The following ETNK1 variants were observed in gnomAD, a reference collection of about 807,000 sequenced individuals.
ETNK1 encodes putative protein product of Nbla10396.
A neutral mutation model predicts 45.1 loss-of-function variants in ETNK1; 8 were observed. The ratio of observed to expected loss-of-function variants is 0.18; its 90% CI spans 0.10 to 0.32. The LOEUF is 0.32. Among genes scored for constraint, ETNK1 ranks in the 10% least tolerant of loss-of-function variants. The pLI is 1.00. For missense variants in ETNK1, 302 were observed against 430.6 expected, an observed-to-expected ratio of 0.70 and a Z score of 2.64; for synonymous variants, 152 against 151.9, an observed-to-expected ratio of 1.00 and a Z score of -0.01.
chr12:22,631,954 A>G (rs190718831), intron 1 of ETNK1, among the ~76,000 whole-genome samples: 10 of 152,292 alleles, frequency 6.6e-5, no homozygotes, highest in Admixed American at 5.9e-4. Context: ...TGAATCATAA[A>G]TTGTTGTAAA....
intron 5 of ETNK1, among the ~76,000 whole-genome samples, chr12:22,671,967 A>C (rs1274081857): frequency 6.6e-6 from 1 of 151,978 alleles, no homozygotes; most frequent in African/African-American, 2.4e-5. Flanking sequence ...CAGCAGCCCT[A>C]CAAGGTAATA....
chr12:22,638,178 C>T (rs1383721284), intron 1 of ETNK1, among the ~76,000 whole-genome samples: 1 of 151,858 alleles, frequency 6.6e-6, no homozygotes, highest in African/African-American at 2.4e-5. Flanking sequence ...TACATGGCCA[C>T]ATAATCTGTT....
chr12:22,634,199 A>G (rs1298625872), intron 1 of ETNK1, among the ~76,000 whole-genome samples: 2 of 152,144 alleles, frequency 1.3e-5, no homozygotes, highest in African/African-American at 2.4e-5. Flanking sequence ...CATGATGATT[A>G]TAAGATTTTT....
Position 22,625,269 on chromosome 12 carries a change from G to C in ETNK1, c.-162G>C. On this transcript the variant is annotated 5_prime_UTR_variant, in exon 1 of 8. Coordinates refer to ENST00000266517, the MANE Select transcript of ETNK1 (RefSeq NM_018638.5). The stretch of plus-strand genomic sequence containing the variant: ...CCAGACCCGGATCGGCAACAGTGCC[G>C]CCTCCAGACGTTCTCCTGCCGCTCG... 2.5e-6 allele frequency: 4 copies of C among 1,609,294 alleles called. No individual in the cohort carries two copies. Among genetic ancestry groups the C allele is most frequent in the Non-Finnish European group, 3.4e-6 (4 of 1,178,768 alleles).
In ETNK1 at chr12:22,684,998, AATCT is replaced by A. The variant is rs1224722581; in HGVS notation, c.*45_*48del. The A allele has an allele frequency of 4.5e-5, 62 of 1,390,998 alleles. No homozygotes were observed. The highest frequency in any genetic ancestry group is 5.7e-5 in the Non-Finnish European group (58 of 1,010,074). The allele number at this position is 1,390,998 out of a possible 1,614,324, so 86.2% of individuals were successfully genotyped here. ...CTCCAGTAGCTGAGCAATGCTTGTG[AATCT>A]TTTCTTAAGAAATCCCAAAAAGCCA... On this transcript the variant is annotated 3_prime_UTR_variant, in exon 8 of 8. Coordinates refer to ENST00000266517, the MANE Select transcript of ETNK1 (RefSeq NM_018638.5).
intron 4 of ETNK1, among the ~76,000 whole-genome samples, chr12:22,667,354 A>T (rs1954064043): frequency 6.6e-6 from 1 of 152,128 alleles, no homozygotes; most frequent in East Asian, 1.9e-4. Flanking sequence ...CATTTTTTCT[A>T]CTAGCATTTA....
At chr12:22,658,655 T>A (rs1953968590) in intron 2 of ETNK1, among the ~76,000 whole-genome samples, 1 of 152,232 alleles carries the variant, frequency 6.6e-6, no homozygotes, top group South Asian at 2.1e-4. Context: ...CAAGTGGGAA[T>A]GTATACCCAA....
At chr12:22,679,591 C>T (rs940560746) in intron 6 of ETNK1, among the ~76,000 whole-genome samples, 4 of 152,132 alleles carry the variant, frequency 2.6e-5, no homozygotes, top group African/African-American at 9.7e-5. Context: ...CTAACATTAA[C>T]CATCATAGGG....
intron 5 of ETNK1, among the ~76,000 whole-genome samples, chr12:22,672,252 C>A (rs1228336483): frequency 6.6e-6 from 1 of 151,876 alleles, no homozygotes; most frequent in African/African-American, 2.4e-5. Context: ...ATTTAAAATC[C>A]ATTTTATCAC....
chr12:22,676,126 A>G (rs368676070), intron 6 of ETNK1, among the ~76,000 whole-genome samples: 1 of 152,186 alleles, frequency 6.6e-6, no homozygotes, highest in East Asian at 1.9e-4. Flanking sequence ...TGTCATGCAC[A>G]TTAGGTATTT....
chr12:22,680,906 C>G (rs1382006434), intron 6 of ETNK1, among the ~76,000 whole-genome samples: 1 of 128,304 alleles, frequency 7.8e-6, no homozygotes, highest in African/African-American at 2.7e-5. Flanking sequence ...GCCCCCCCCT[C>G]CATTATATGC....
rs1370684395 is a variant in ETNK1 at position 22,687,537 on chromosome 12, T to C, written c.*2583T>C. ...CTTTAACAAGCCAAATTCCGCAATTTTTTTTCCTTTTTTCCCCTTCATACT... is the reference window on the plus strand; with the variant it reads ...CTTTAACAAGCCAAATTCCGCAATTCTTTTTCCTTTTTTCCCCTTCATACT... On this transcript the variant is annotated 3_prime_UTR_variant, in exon 8 of 8. Transcript: ENST00000266517. The C allele has an allele frequency of 6.6e-6, 1 of 152,236 alleles. No homozygotes were observed. Among genetic ancestry groups the C allele is most frequent in the African/African-American group, 2.4e-5 (1 of 41,408 alleles). The allele number at this position is 152,236 out of a possible 1,614,324, so 9.4% of individuals were successfully genotyped here.
intron 5 of ETNK1, among the ~76,000 whole-genome samples, chr12:22,672,079 G>T (rs1277655092): frequency 6.6e-6 from 1 of 151,992 alleles, no homozygotes; most frequent in Admixed American, 6.6e-5. Context: ...AGCCTTTGCT[G>T]TTTCCATTGT....
At chr12:22,656,485 C>T (rs1359868771) in intron 2 of ETNK1, 2 of 985,200 alleles carry the variant, frequency 2.0e-6, no homozygotes, top group Non-Finnish European at 2.4e-6. Context: ...AAAACATTTC[C>T]AAATAACTGC....
Position 22,686,338 on chromosome 12 carries a change from A to G in ETNK1, c.*1384A>G, listed in dbSNP as rs1954260536. 6.6e-6 allele frequency: 1 copy of G among 152,294 alleles called. No homozygotes were observed. The highest frequency in any genetic ancestry group is 1.5e-5 in the Non-Finnish European group (1 of 67,814). The allele number at this position is 152,294 out of a possible 1,614,324, so 9.4% of individuals were successfully genotyped here. A position where few individuals can be genotyped will look rare whatever the true frequency, so the allele number is the denominator to read the frequency against. ...TAACTTTACTTAGAAAATTAGTCTG[A>G]CAAGCTTTGCACTTCGGTCACATAA... On this transcript the variant is annotated 3_prime_UTR_variant, in exon 8 of 8. Coordinates refer to ENST00000266517, the MANE Select transcript of ETNK1 (RefSeq NM_018638.5).
intron 2 of ETNK1, among the ~76,000 whole-genome samples, chr12:22,645,302 G>A (rs948446989): frequency 6.6e-6 from 1 of 151,732 alleles, no homozygotes; most frequent in Non-Finnish European, 1.5e-5. Context: ...TCCTAGAGAA[G>A]GGCCACATGA....
intron 3 of ETNK1, among the ~76,000 whole-genome samples, 188 bp from the exon 4 acceptor site, chr12:22,660,875 A>G (rs925437312): frequency 6.6e-6 from 1 of 152,108 alleles, no homozygotes; most frequent in African/African-American, 2.4e-5. Flanking sequence ...AGTTTCTTCT[A>G]TTCATGTCTA....
At chr12:22,662,392 CTTT>C (rs79930955) in intron 4 of ETNK1, among the ~76,000 whole-genome samples, 6 of 122,786 alleles carry the variant, frequency 4.9e-5, no homozygotes, top group African/African-American at 3.6e-5. Context: ...CTGGCCTTTC[CTTT>C]TTTTTTTTTT....
rs1954256930 is a variant in ETNK1, at chr12:22,685,977, A to G, written c.*1023A>G. 1 of 152,186 alleles carries G rather than the reference A, an allele frequency of 6.6e-6. No homozygotes were observed. Among genetic ancestry groups the G allele is most frequent in the East Asian group, 1.9e-4 (1 of 5,188 alleles). The allele number at this position is 152,186 out of a possible 1,614,324, so 9.4% of individuals were successfully genotyped here. ...TCCTCACATTTTAGTTTCATGTTTT[A>G]GTTTGATTCTATGTTTTTAGACTGA... On this transcript the variant is annotated 3_prime_UTR_variant, in exon 8 of 8. Coordinates refer to ENST00000266517, the MANE Select transcript of ETNK1 (RefSeq NM_018638.5).
Sources: gnomAD v4.1 joint callset for allele counts (sites outside exome capture counted in the v4.1 genomes callset) on GRCh38, gnomAD v4.1.1 for gene constraint, MANE v1.5 for transcripts, NCBI Gene and HGNC (gene_info 2026-07-23, HGNC 2026-07-21) for gene names.